The following AKR1A1 variants were observed in gnomAD, a reference collection of about 807,000 sequenced individuals.
The protein encoded by AKR1A1 is aldo-keto reductase family 1 member A1.
Under a neutral mutation model 39.2 loss-of-function variants are expected in AKR1A1, and 26 were observed. The observed-to-expected ratio is 0.66, with a 90% CI of 0.49 to 0.92. AKR1A1 has a LOEUF of 0.92. AKR1A1 is among the 40% of genes least tolerant of loss of function. The pLI, the probability that AKR1A1 is intolerant of heterozygous loss-of-function variation, is 0.00. For synonymous variants in AKR1A1, 141 were observed against 155.5 expected (o/e 0.91, Z 0.69); for missense variants, 378 against 406.5 (o/e 0.93, Z 0.60).
intron 2 of AKR1A1, 104 bp downstream of exon 2, chr1:45,561,982 A>G: frequency 7.1e-6 from 8 of 1,121,724 alleles, no homozygotes; most frequent in Non-Finnish European, 1.0e-5. Context: ...AGCCAGTGGG[A>G]AGAGATAAGA....
Position 45,569,832 on chromosome 1 carries a change from T to TG in AKR1A1, c.913-57dup, listed in dbSNP as rs1644391811. 6 of 1,475,934 alleles carry TG rather than the reference T, an allele frequency of 4.1e-6. No homozygotes were observed. In the East Asian group the frequency reaches 1.4e-4, roughly 33 times the overall value. 91.4% of individuals were successfully genotyped at this position (1,475,934 alleles called of 1,614,324 possible). On this transcript the variant is annotated intron_variant, in intron 8 of 8. Transcript: ENST00000351829. ...TTTAGGAAGATTTGGGGAAGATGCC[T>TG]GGAGTCTTTGGAATGGCAACTCCTG...
At chr1:45,557,321 A>G (rs1201266256) in intron 1 of AKR1A1, among the ~76,000 whole-genome samples, 2 of 152,024 alleles carry the variant, frequency 1.3e-5, no homozygotes, top group African/African-American at 4.8e-5. Context: ...AGTTGTATCA[A>G]GCAGAAGATG....
At chr1:45,568,755 C>T in intron 6 of AKR1A1, 71 bp downstream of exon 6, 3 of 1,580,084 alleles carry the variant, frequency 1.9e-6, no homozygotes, top group Non-Finnish European at 2.6e-6. Flanking sequence ...ATTTCAGTGT[C>T]TGGGTGAGGC....
At chr1:45,568,732 T>C in intron 6 of AKR1A1, 48 bp downstream of exon 6, 1 of 1,604,586 alleles carries the variant, frequency 6.2e-7, no homozygotes, top group Non-Finnish European at 8.5e-7. Flanking sequence ...AGGCAAGGGT[T>C]AAGGGATTTC....
At chr1:45,558,026 C>T (rs1169571021) in intron 1 of AKR1A1, among the ~76,000 whole-genome samples, 1 of 145,918 alleles carries the variant, frequency 6.9e-6, no homozygotes, top group African/African-American at 2.5e-5. Flanking sequence ...TCTCCTGCCT[C>T]AGCCACCCGA....
chr1:45,563,501 C>T (rs1442845950), intron 2 of AKR1A1, among the ~76,000 whole-genome samples: 1 of 150,762 alleles, frequency 6.6e-6, no homozygotes, highest in Non-Finnish European at 1.5e-5. Context: ...TAATATGTAA[C>T]CACTTAAGCT....
At chr1:45,557,827 A>G (rs918272409) in intron 1 of AKR1A1, among the ~76,000 whole-genome samples, 4 of 152,134 alleles carry the variant, frequency 2.6e-5, no homozygotes, top group Non-Finnish European at 5.9e-5. Context: ...TTCCAAAACC[A>G]ACTTAAACTA....
At chr1:45,559,142 G>C (rs142760831) in intron 1 of AKR1A1, among the ~76,000 whole-genome samples, 81 of 152,282 alleles carry the variant, frequency 5.3e-4, no homozygotes, top group African/African-American at 1.8e-3. Flanking sequence ...TGCAGAATTT[G>C]ATCAAAGCTC....
Position 45,557,912 on chromosome 1 carries a change from C to CTTTTTTTTTTTTTTT in AKR1A1, c.-6-3876_-6-3862dup, listed in dbSNP as rs67386168. 1.4e-3 allele frequency among the ~76,000 whole-genome samples: 159 copies of CTTTTTTTTTTTTTTT among 112,202 alleles called. 9 individuals are homozygous for CTTTTTTTTTTTTTTT. Among genetic ancestry groups the CTTTTTTTTTTTTTTT allele is most frequent in the African/African-American group, 1.7e-3 (47 of 28,270 alleles). 73.6% of individuals were successfully genotyped at this position (112,202 alleles called of 152,430 possible). On this transcript the variant is annotated intron_variant, in intron 1 of 8. Transcript: ENST00000351829. ...TGTACTGGCTTTACTCACAACTTGT[C>CTTTTTTTTTTTTTTT]TTTTTTTTTTTTTTTGAGATGGAGC...
In AKR1A1 at chr1:45,568,055, TGGAA is replaced by T; in HGVS notation, c.433_436del (p.Lys145LeufsTer51). On this transcript the variant is annotated frameshift_variant, in exon 5 of 9. Transcript: ENST00000351829. LOFTEE classifies it high-confidence loss of function. ...CGACTCCACCCACTACAAGGAGACT[TGGAA>T]GGCTCTGGAGGCACTGGTGGCTAAG... 6.2e-7 allele frequency: 1 copy of T among 1,614,000 alleles called. No homozygotes were observed. The highest frequency in any genetic ancestry group is 8.5e-7 in the Non-Finnish European group (1 of 1,180,012).
intron 1 of AKR1A1, among the ~76,000 whole-genome samples, chr1:45,553,968 C>G (rs2148288954): frequency 6.7e-6 from 1 of 150,048 alleles, no homozygotes; most frequent in South Asian, 2.1e-4. Flanking sequence ...GCCCTCCAGC[C>G]TGGGTGACAG....
intron 1 of AKR1A1, among the ~76,000 whole-genome samples, chr1:45,558,735 T>C (rs1644240304): frequency 6.6e-6 from 1 of 152,172 alleles, no homozygotes; most frequent in African/African-American, 2.4e-5. Flanking sequence ...GGTTTCGCCA[T>C]GTTGGCCAGG....
chr1:45,564,386 G>A (rs1489314670), intron 2 of AKR1A1, among the ~76,000 whole-genome samples: 1 of 152,162 alleles, frequency 6.6e-6, no homozygotes. Flanking sequence ...AGCTTTGGGT[G>A]CTTTGTGTCT....
At chr1:45,563,480 A>G (rs1644303789) in intron 2 of AKR1A1, among the ~76,000 whole-genome samples, 1 of 152,014 alleles carries the variant, frequency 6.6e-6, no homozygotes, top group Non-Finnish European at 1.5e-5. Context: ...TTATACACTC[A>G]TGTGACCTTT....
intron 1 of AKR1A1, among the ~76,000 whole-genome samples, chr1:45,558,808 G>A (rs924125332): frequency 2.6e-5 from 4 of 152,150 alleles, no homozygotes; most frequent in Non-Finnish European, 5.9e-5. Flanking sequence ...AGGATTACAG[G>A]TGTGAGCCAC....
At chr1:45,568,232 G>A (rs1318941450) in intron 5 of AKR1A1, 55 bp downstream of exon 5, 3 of 1,538,480 alleles carry the variant, frequency 1.9e-6, no homozygotes, top group African/African-American at 1.4e-5. Context: ...AGAGCATGAG[G>A]GAGCAGACGA....
intron 1 of AKR1A1, among the ~76,000 whole-genome samples, chr1:45,560,587 G>T (rs1376749776): frequency 6.6e-6 from 1 of 152,158 alleles, no homozygotes; most frequent in Non-Finnish European, 1.5e-5. Flanking sequence ...TCCAACCTAG[G>T]AGACAGAACC....
intron 1 of AKR1A1, among the ~76,000 whole-genome samples, chr1:45,556,496 A>T (rs1458541225): frequency 6.7e-6 from 1 of 150,214 alleles, no homozygotes; most frequent in Non-Finnish European, 1.5e-5. Context: ...CAAGAGAATC[A>T]CTTGAACCTG....
In AKR1A1 at chr1:45,550,850, A is replaced by G. The variant is rs985607131; in HGVS notation, c.-312A>G. 2.3e-4 allele frequency: 35 copies of G among 152,476 alleles called. No homozygotes were observed. The highest frequency in any genetic ancestry group is 7.2e-4 in the African/African-American group (30 of 41,476). The allele number at this position is 152,476 out of a possible 1,614,324, so 9.4% of individuals were successfully genotyped here. A position where few individuals can be genotyped will look rare whatever the true frequency, so the allele number is the denominator to read the frequency against. Reference sequence around the variant, plus strand: ...CAGCGCCACCTGCCTCATTGTGCCCAGGAGTTCTCCAAACCCGCGCTGCGG... The same window carrying G: ...CAGCGCCACCTGCCTCATTGTGCCCGGGAGTTCTCCAAACCCGCGCTGCGG... On this transcript the variant is annotated 5_prime_UTR_variant, in exon 1 of 9. Coordinates refer to ENST00000351829, the MANE Select transcript of AKR1A1 (RefSeq NM_153326.3).
Sources: gnomAD v4.1 joint callset for allele counts (sites outside exome capture counted in the v4.1 genomes callset) on GRCh38, gnomAD v4.1.1 for gene constraint, MANE v1.5 for transcripts, NCBI Gene and HGNC (gene_info 2026-07-23, HGNC 2026-07-21) for gene names.